The following TASP1 variants were observed in gnomAD, a reference collection of about 807,000 sequenced individuals.
The protein encoded by TASP1 is threonine aspartase 1.
A neutral mutation model predicts 56.6 loss-of-function variants in TASP1; 16 were observed. That is an observed-to-expected ratio of 0.28 (90% CI 0.19 to 0.43). TASP1 has a LOEUF of 0.43. Ranked by LOEUF, TASP1 falls within the 20% of genes least tolerant of loss-of-function variation. The pLI is 1.00. For missense variants in TASP1, 393 were observed against 511.6 expected (o/e 0.77, Z 2.24); for synonymous variants, 179 against 184.2 (o/e 0.97, Z 0.23).
At chr20:13,164,520 TA>T in the TASP1 span, 3 of 561,558 alleles carry the variant, frequency 5.3e-6, no homozygotes, top group South Asian at 5.9e-5. Context: ...CAAAATAAAA[TA>T]AACATTCATA....
At chr20:13,420,670 G>T (rs928714209) in intron 12 of TASP1, among the ~76,000 whole-genome samples, 1 of 152,208 alleles carries the variant, frequency 6.6e-6, no homozygotes. Flanking sequence ...CTTCAGGGAA[G>T]CAGGACAAGG....
At chr20:13,600,752 C>T (rs1266603146) in intron 4 of TASP1, 8 of 151,886 alleles carry the variant, frequency 5.3e-5, no homozygotes, top group Non-Finnish European at 1.0e-4. Flanking sequence ...TTAAAAAAAG[C>T]AAGCCATTAT....
chr20:13,481,440 A>G (rs1394735155), intron 11 of TASP1, among the ~76,000 whole-genome samples: 1 of 152,174 alleles, frequency 6.6e-6, no homozygotes, highest in Non-Finnish European at 1.5e-5. Context: ...TATACATAGC[A>G]GTGGGATTGC....
At chr20:13,184,546 C>T in the TASP1 span, among the ~76,000 whole-genome samples, 1 of 152,218 alleles carries the variant, frequency 6.6e-6, no homozygotes, top group South Asian at 2.1e-4. Context: ...AAGTAGTAGA[C>T]TTAATTGTTA....
At chr20:13,425,588 C>T (rs943996693) in intron 12 of TASP1, among the ~76,000 whole-genome samples, 8 of 152,170 alleles carry the variant, frequency 5.3e-5, no homozygotes, top group African/African-American at 1.7e-4. Context: ...AAATCAGAAC[C>T]GTCTTGGGCT....
the TASP1 span, among the ~76,000 whole-genome samples, chr20:13,126,188 C>T: frequency 6.6e-6 from 1 of 152,172 alleles, no homozygotes; most frequent in African/African-American, 2.4e-5. Context: ...TTCTACCATG[C>T]TTGTTCATGG....
chr20:13,619,660 A>G (rs1464204485), intron 4 of TASP1, among the ~76,000 whole-genome samples: 1 of 152,182 alleles, frequency 6.6e-6, no homozygotes, highest in Non-Finnish European at 1.5e-5. Flanking sequence ...ACTTGATCCA[A>G]AACTATTTCA....
intron 11 of TASP1, among the ~76,000 whole-genome samples, chr20:13,435,635 C>T (rs2042975195): frequency 6.6e-6 from 1 of 152,126 alleles, no homozygotes; most frequent in South Asian, 2.1e-4. Flanking sequence ...ATGGTTCGCA[C>T]AAATAAGGGT....
intron 13 of TASP1, among the ~76,000 whole-genome samples, chr20:13,391,218 G>A (rs1398031020): frequency 2.6e-5 from 4 of 152,198 alleles, no homozygotes; most frequent in African/African-American, 7.2e-5. Flanking sequence ...ACTGTGTTTA[G>A]TGACTGAGTG....
chr20:13,147,042 C>A, the TASP1 span, among the ~76,000 whole-genome samples: 1 of 152,162 alleles, frequency 6.6e-6, no homozygotes. Context: ...AACAGTGTAT[C>A]TGAGCAGCTG....
the TASP1 span, among the ~76,000 whole-genome samples, chr20:13,177,232 C>T: frequency 6.6e-6 from 1 of 151,312 alleles, no homozygotes; most frequent in African/African-American, 2.4e-5. Flanking sequence ...CAGAGTGAGA[C>T]TCTGTCTCAA....
the TASP1 span, among the ~76,000 whole-genome samples, chr20:13,136,838 A>C: frequency 6.6e-6 from 1 of 151,542 alleles, no homozygotes; most frequent in Non-Finnish European, 1.5e-5. Context: ...TTCAGGGATT[A>C]TTGCTGCAAA....
chr20:13,373,532 T>C, the TASP1 span, among the ~76,000 whole-genome samples: 1 of 152,108 alleles, frequency 6.6e-6, no homozygotes, highest in South Asian at 2.1e-4. Flanking sequence ...TATAAGATTC[T>C]TGGTTGATTG....
At chr20:13,310,813 G>A in the TASP1 span, among the ~76,000 whole-genome samples, 1 of 152,204 alleles carries the variant, frequency 6.6e-6, no homozygotes, top group East Asian at 1.9e-4. Flanking sequence ...TATATGTAAA[G>A]TTGCTCAATG....
In TASP1 at chr20:13,625,222, T is replaced by C; in HGVS notation, c.176A>G (p.Lys59Arg). The change falls in exon 3 of 14, where the codon AAG (lysine) becomes AGG (arginine). Residue 59 changes from lysine to arginine, a missense_variant. This residue lies in a region of TASP1 where 48 missense variants were observed against 106.2 expected (regional missense o/e 0.45). Coordinates refer to ENST00000337743, the MANE Select transcript of TASP1 (RefSeq NM_017714.3). Reference sequence around the variant, plus strand: ...TCGTTTGCATACATGTTTATACTCCTTGGCTTTGGATTCAGAATGATAACC... The same window carrying C: ...TCGTTTGCATACATGTTTATACTCCCTGGCTTTGGATTCAGAATGATAACC... ...GAGYHSESKA[K>R]EYKHVCKRAC... 6.2e-7 allele frequency: 1 copy of C among 1,611,898 alleles called. No homozygotes were observed. Among genetic ancestry groups the C allele is most frequent in the Non-Finnish European group, 8.5e-7 (1 of 1,179,254 alleles).
At chr20:13,449,142 G>A (rs2043522392) in intron 11 of TASP1, among the ~76,000 whole-genome samples, 1 of 152,058 alleles carries the variant, frequency 6.6e-6, no homozygotes, top group Non-Finnish European at 1.5e-5. Context: ...AAAGGCACCA[G>A]TGCTCCCGAG....
At chr20:13,321,015 A>G in the TASP1 span, among the ~76,000 whole-genome samples, 5 of 152,114 alleles carry the variant, frequency 3.3e-5, no homozygotes, top group East Asian at 9.7e-4. Context: ...CCTGTCCAAC[A>G]TGGTGGAACC....
chr20:13,177,289 C>A, the TASP1 span, among the ~76,000 whole-genome samples: 2 of 151,778 alleles, frequency 1.3e-5, no homozygotes, highest in Admixed American at 6.6e-5. Flanking sequence ...AAATAGACAT[C>A]CCATGCTCAT....
At chr20:13,373,802 C>T in the TASP1 span, among the ~76,000 whole-genome samples, 1 of 152,128 alleles carries the variant, frequency 6.6e-6, no homozygotes, top group Non-Finnish European at 1.5e-5. Context: ...ATTTGGGGAG[C>T]TTTCAGCTGC....
Sources: allele counts gnomAD v4.1 joint callset (sites outside exome capture counted in the v4.1 genomes callset), GRCh38; gene constraint gnomAD v4.1.1; regional missense constraint gnomAD v4.1.1; transcripts MANE v1.5; gene names NCBI Gene and HGNC (gene_info 2026-07-23, HGNC 2026-07-21).